The following DIPK1A variants were observed in gnomAD, a reference collection of about 807,000 sequenced individuals.
DIPK1A encodes the protein family with sequence similarity 69 member A.
DIPK1A carries 27 observed loss-of-function variants against 40.8 expected under a neutral mutation model. The observed-to-expected ratio is 0.66, with a 90% CI of 0.49 to 0.91. The LOEUF is 0.91. DIPK1A is among the 40% of genes least tolerant of loss of function. The pLI is 0.00. For synonymous variants in DIPK1A, 166 were observed against 171.3 expected (o/e 0.97, Z 0.24); for missense variants, 412 against 505.7 (o/e 0.81, Z 1.78).
In DIPK1A at chr1:92,961,411, G is replaced by T. The variant is rs754017982; in HGVS notation, c.19C>A (p.Pro7Thr). Residue 7 changes from proline (P) to threonine (T), a missense_variant, in exon 1 of 5, where the codon CCG becomes ACG. By Grantham distance (38) the Pro-to-Thr change is conservative. Transcript: ENST00000370310. ...TAGGGTTTCCTTAGCCAGGCCCCCG[G>T]ACAGAGACTCCTCGCCATGGTAATC... MARSLCPGAWLRKPYYL... is the reference protein window; with the variant it reads MARSLCTGAWLRKPYYL... 105 of 1,528,930 alleles carry T rather than the reference G, an allele frequency of 6.9e-5. 1 individual carries two copies. In the South Asian group the frequency reaches 1.2e-3, roughly 18 times the overall value. The allele number at this position is 1,528,930 out of a possible 1,614,324, so 94.7% of individuals were successfully genotyped here. A position where few individuals can be genotyped will look rare whatever the true frequency, so the allele number is the denominator to read the frequency against.
chr1:92,862,755 T>C (rs1179201738), intron 2 of DIPK1A, among the ~76,000 whole-genome samples: 1 of 152,222 alleles, frequency 6.6e-6, no homozygotes, highest in Non-Finnish European at 1.5e-5. Flanking sequence ...TGTTATGAGT[T>C]TGACCCTGCT....
chr1:92,913,822 T>G (rs899277628), intron 1 of DIPK1A, among the ~76,000 whole-genome samples: 1 of 152,164 alleles, frequency 6.6e-6, no homozygotes, highest in East Asian at 1.9e-4. Flanking sequence ...TTCTTCCCAT[T>G]TTGTCAGACT....
At chr1:92,903,089 C>G (rs1489153789) in intron 1 of DIPK1A, among the ~76,000 whole-genome samples, 1 of 152,150 alleles carries the variant, frequency 6.6e-6, no homozygotes, top group Non-Finnish European at 1.5e-5. Flanking sequence ...GGATCTCACT[C>G]TATTGCCCAG....
chr1:92,863,770 C>T (rs1486869270), intron 2 of DIPK1A, among the ~76,000 whole-genome samples: 4 of 151,642 alleles, frequency 2.6e-5, no homozygotes, highest in South Asian at 2.1e-4. Flanking sequence ...CAGTGTGTTC[C>T]GGCCAGGTGC....
At chr1:92,948,765 A>G (rs1027311257) in intron 1 of DIPK1A, among the ~76,000 whole-genome samples, 21 of 142,080 alleles carry the variant, frequency 1.5e-4, no homozygotes, top group South Asian at 2.2e-4. Context: ...ATGTATATAT[A>G]TGTGTGTGTG....
At chr1:92,958,972 T>C (rs1390431100) in intron 1 of DIPK1A, among the ~76,000 whole-genome samples, 2 of 152,218 alleles carry the variant, frequency 1.3e-5, no homozygotes, top group Non-Finnish European at 2.9e-5. Context: ...AATGATGTGA[T>C]GCCTGAGGTT....
intron 4 of DIPK1A, chr1:92,836,255 C>T: frequency 1.9e-6 from 3 of 1,613,854 alleles, no homozygotes; most frequent in Non-Finnish European, 2.5e-6. Flanking sequence ...GTGATGAATA[C>T]AATGTGGAAA....
At chr1:92,910,773 A>T (rs1447819343) in intron 1 of DIPK1A, among the ~76,000 whole-genome samples, 2 of 152,162 alleles carry the variant, frequency 1.3e-5, no homozygotes, top group Admixed American at 6.5e-5. Flanking sequence ...CCATATTGAC[A>T]TTGATACAAT....
intron 2 of DIPK1A, among the ~76,000 whole-genome samples, chr1:92,853,558 T>G (rs1046644789): frequency 2.0e-5 from 3 of 152,164 alleles, no homozygotes; most frequent in Non-Finnish European, 4.4e-5. Context: ...CCTAATAGTC[T>G]CATCTGTGAA....
chr1:92,931,451 G>A, intron 1 of DIPK1A: 1 of 188,324 alleles, frequency 5.3e-6, no homozygotes. Context: ...GAGAAGGCCA[G>A]GTGCGGTGGC....
intron 1 of DIPK1A, among the ~76,000 whole-genome samples, chr1:92,891,171 T>G (rs1028079884): frequency 1.1e-4 from 17 of 152,166 alleles, no homozygotes; most frequent in African/African-American, 4.1e-4. Flanking sequence ...TCATATCTCC[T>G]TTTTCATTTC....
At position 92,843,257 on chromosome 1, in the gene DIPK1A, C is replaced by T. The variant is rs1289893323; in HGVS notation, c.*126G>A. 2.1e-6 allele frequency: 3 copies of T among 1,443,630 alleles called. No homozygotes were observed. The African/African-American group carries it at 4.3e-5, about 21-fold the overall frequency. The allele number at this position is 1,443,630 out of a possible 1,614,324, so 89.4% of individuals were successfully genotyped here. On this transcript the variant is annotated 3_prime_UTR_variant, in exon 5 of 5. Transcript: ENST00000370310. ...TACTTCAGTGATCACATACTGATGG[C>T]TTCTCAGGCCTGGGGGGAAGGAGTT...
intron 2 of DIPK1A, among the ~76,000 whole-genome samples, chr1:92,857,485 C>T (rs914837861): frequency 1.3e-5 from 2 of 151,958 alleles, no homozygotes; most frequent in Admixed American, 1.3e-4. Flanking sequence ...TCACGCCCAG[C>T]TAATTTTTGT....
At chr1:92,957,935 A>T (rs954030710) in intron 1 of DIPK1A, among the ~76,000 whole-genome samples, 3 of 152,300 alleles carry the variant, frequency 2.0e-5, no homozygotes, top group Non-Finnish European at 4.4e-5. Context: ...TTGTCTTTAT[A>T]GATTTGCCCA....
intron 1 of DIPK1A, among the ~76,000 whole-genome samples, chr1:92,947,757 G>A (rs1176161699): frequency 6.6e-6 from 1 of 152,194 alleles, no homozygotes; most frequent in Non-Finnish European, 1.5e-5. Flanking sequence ...CAATATGGAT[G>A]AGCCTGCAGG....
chr1:92,889,409 A>G (rs949131433), intron 1 of DIPK1A, among the ~76,000 whole-genome samples: 2 of 152,066 alleles, frequency 1.3e-5, no homozygotes, highest in African/African-American at 2.4e-5. Context: ...TTTGTAGTAT[A>G]TTTCGAAATC....
chr1:92,916,722 T>C (rs4847384), intron 1 of DIPK1A, among the ~76,000 whole-genome samples: 88,968 of 152,030 alleles, frequency 0.59, 27,346 homozygotes, highest in East Asian at 0.94. Context: ...TTTACCCTGA[T>C]AATGTTCATT....
intron 1 of DIPK1A, among the ~76,000 whole-genome samples, chr1:92,958,998 T>C (rs1340017069): frequency 3.9e-5 from 6 of 152,190 alleles, no homozygotes; most frequent in Non-Finnish European, 7.3e-5. Flanking sequence ...TAAAATACTT[T>C]GGTTCAGCCA....
intron 3 of DIPK1A, 58 bp from the exon 4 acceptor site, chr1:92,847,417 ATAC>A (rs1687678109): frequency 1.8e-6 from 2 of 1,140,360 alleles, no homozygotes; most frequent in Non-Finnish European, 1.2e-6. Context: ...TCTAAAAAAT[ATAC>A]TACTATATTT....
Sources: allele counts gnomAD v4.1 joint callset (sites outside exome capture counted in the v4.1 genomes callset), GRCh38; gene constraint gnomAD v4.1.1; transcripts MANE v1.5; gene names NCBI Gene and HGNC (gene_info 2026-07-23, HGNC 2026-07-21).